The following GOLGB1 variants were observed in gnomAD, a reference collection of about 807,000 sequenced individuals.
GOLGB1 encodes golgin B1.
GOLGB1 carries 174 observed loss-of-function variants against 336.9 expected under a neutral mutation model. The ratio of observed to expected loss-of-function variants is 0.52; its 90% CI spans 0.46 to 0.59. The LOEUF (loss-of-function observed/expected upper bound fraction) is 0.59. Ranked by LOEUF, GOLGB1 falls within the 20% of genes least tolerant of loss-of-function variation. GOLGB1 has a pLI of 0.00. For missense variants in GOLGB1, 3,331 were observed against 3,645.3 expected (o/e 0.91, Z 2.22); for synonymous variants, 1,208 against 1,289.2 (o/e 0.94, Z 1.35).
Position 121,663,247 on chromosome 3 carries a change from T to G in GOLGB1, c.*1233A>C, listed in dbSNP as rs898460601. ...TTATTTTACAGTTGTTCAGGAAACT[T>G]CCCAGGATGTTGTAACCAAGATTTA... On this transcript the variant is annotated 3_prime_UTR_variant, in exon 22 of 22. Transcript: ENST00000614479. 6.6e-6 allele frequency: 1 copy of G among 152,164 alleles called. No individual in the cohort carries two copies. Among genetic ancestry groups the G allele is most frequent in the Non-Finnish European group, 1.5e-5 (1 of 68,052 alleles). 9.4% of individuals were successfully genotyped at this position (152,164 alleles called of 1,614,324 possible). A position where few individuals can be genotyped will look rare whatever the true frequency, so the allele number is the denominator to read the frequency against.
intron 21 of GOLGB1, 113 bp from the exon 22 acceptor site, chr3:121,664,727 A>G: frequency 9.6e-7 from 1 of 1,043,244 alleles, no homozygotes; most frequent in South Asian, 1.4e-5. Flanking sequence ...AGAAAGGGGT[A>G]TTCTGAGAGG....
At position 121,698,359 on chromosome 3, in the gene GOLGB1, C is replaced by T. The variant is rs1943124237; in HGVS notation, c.2164G>A (p.Glu722Lys). The T allele has an allele frequency of 6.2e-7, 1 of 1,613,662 alleles. No homozygotes were observed. The highest frequency in any genetic ancestry group is 8.5e-7 in the Non-Finnish European group (1 of 1,179,752). The change falls in exon 13 of 22, where the codon GAA (glutamate) becomes AAA (lysine). Residue 722 changes from glutamate (E) to lysine (K), a missense_variant. Coordinates refer to ENST00000614479, the MANE Select transcript of GOLGB1 (RefSeq NM_001366282.2). ...YEKNLDEKAKEISNLNQLIEE... is the reference protein window; with the variant it reads ...YEKNLDEKAKKISNLNQLIEE... Reference sequence around the variant, plus strand: ...ATCAACTGGTTTAGGTTGCTAATTTCCTTAGCTTTCTCATCTAAATTTTTC... The same window carrying T: ...ATCAACTGGTTTAGGTTGCTAATTTTCTTAGCTTTCTCATCTAAATTTTTC...
intron 3 of GOLGB1, 93 bp downstream of exon 3, chr3:121,729,772 C>G: frequency 1.1e-6 from 1 of 942,596 alleles, no homozygotes; most frequent in South Asian, 1.6e-5. Context: ...ATCAGATTCC[C>G]TAATAATCTA....
At chr3:121,676,149 A>G (rs1940343130) in intron 17 of GOLGB1, among the ~76,000 whole-genome samples, 1 of 152,256 alleles carries the variant, frequency 6.6e-6, no homozygotes, top group Non-Finnish European at 1.5e-5. Context: ...GAATTTAACT[A>G]CATTTAATAA....
Position 121,690,661 on chromosome 3 carries a change from G to C in GOLGB1, c.8694+9C>G. ...TAAACAGATCAGAAAGAAAGAACTA[G>C]CTACTCACTAGTCTGTCTCTGTCAT... On this transcript the variant is annotated intron_variant, in intron 14 of 21. Transcript: ENST00000614479. 7.4e-7 allele frequency: 1 copy of C among 1,354,912 alleles called. No homozygotes were observed. Among genetic ancestry groups the C allele is most frequent in the Non-Finnish European group, 1.0e-6 (1 of 997,328 alleles). 83.9% of individuals were successfully genotyped at this position (1,354,912 alleles called of 1,614,324 possible).
intron 17 of GOLGB1, among the ~76,000 whole-genome samples, chr3:121,675,686 T>C (rs1455518534): frequency 2.0e-5 from 3 of 152,264 alleles, no homozygotes; most frequent in Non-Finnish European, 4.4e-5. Flanking sequence ...ATGGGTATCT[T>C]CACTTTGTGA....
intron 14 of GOLGB1, among the ~76,000 whole-genome samples, chr3:121,688,309 C>A (rs1352402457): frequency 6.6e-6 from 1 of 152,190 alleles, no homozygotes; most frequent in Non-Finnish European, 1.5e-5. Context: ...CCTCAGCCTG[C>A]CGAGTGCCTG....
intron 17 of GOLGB1, among the ~76,000 whole-genome samples, chr3:121,676,627 G>C (rs935718915): frequency 3.9e-5 from 6 of 152,140 alleles, no homozygotes; most frequent in East Asian, 1.9e-4. Context: ...ACAGGTCAGG[G>C]GGAAGGCTTC....
At chr3:121,665,341 G>A (rs1170761043) in intron 20 of GOLGB1, among the ~76,000 whole-genome samples, 1 of 152,178 alleles carries the variant, frequency 6.6e-6, no homozygotes, top group Non-Finnish European at 1.5e-5. Flanking sequence ...AAGTGCTAAG[G>A]CTTACAGAGG....
At chr3:121,726,295 A>C (rs1165107327) in intron 5 of GOLGB1, among the ~76,000 whole-genome samples, 1 of 151,330 alleles carries the variant, frequency 6.6e-6, no homozygotes, top group Non-Finnish European at 1.5e-5. Flanking sequence ...TTAGCCAGGC[A>C]TGGTGGTGCA....
intron 14 of GOLGB1, among the ~76,000 whole-genome samples, chr3:121,683,166 TGCTGGGATTACAGGCGTGA>T (rs1429945296): frequency 6.9e-6 from 1 of 145,596 alleles, no homozygotes; most frequent in Non-Finnish European, 1.5e-5. Context: ...CCTCCCGAAG[TGCTGGGATTACAGGCGTGA>T]GCCACTGCGC....
In GOLGB1 at chr3:121,691,420, C is replaced by G; in HGVS notation, c.7944G>C (p.Arg2648Ser). The change falls in exon 14 of 22, where the codon AGG becomes AGC. Residue 2648 changes from arginine to serine, a missense_variant. Transcript: ENST00000614479. Reference sequence around the variant, plus strand: ...GAGAGGAGGAAAACAAAGCACTTAACCTGTGTACCTCTTCTTCTTTTACTT... The same window carrying G: ...GAGAGGAGGAAAACAAAGCACTTAAGCTGTGTACCTCTTCTTCTTTTACTT... ...QLKVKEEEVH[R>S]LSALFSSSQK... The G allele has an allele frequency of 6.2e-7, 1 of 1,613,748 alleles. No homozygotes were observed. The highest frequency in any genetic ancestry group is 8.5e-7 in the Non-Finnish European group (1 of 1,179,958).
rs1484814728 is a variant in GOLGB1, at chr3:121,697,194, G to T, written c.3329C>A (p.Thr1110Lys). Residue 1110 changes from threonine to lysine, a missense_variant, in exon 13 of 22, where the codon ACA (threonine) becomes AAA (lysine). Physicochemically the swap from Thr to Lys is moderately conservative, Grantham distance 78. Transcript: ENST00000614479. ...KQMNQTLQDK[T>K]NQIDLLQAEI... ...TGCTTGGAGCAAATCTATTTGGTTT[G>T]TTTTATCTTGCAAGGTCTGATTCAT... is the stretch of plus-strand genomic sequence containing the variant. The T allele has an allele frequency of 6.2e-7, 1 of 1,614,000 alleles. No individual in the cohort carries two copies. The highest frequency in any genetic ancestry group is 2.2e-5 in the East Asian group (1 of 44,876).
Position 121,698,181 on chromosome 3 carries a change from G to C in GOLGB1, c.2342C>G (p.Ala781Gly), listed in dbSNP as rs767485752. 1.9e-5 allele frequency: 30 copies of C among 1,613,616 alleles called. No homozygotes were observed. In the Admixed American group the frequency reaches 3.0e-4, roughly 16 times the overall value. Residue 781 changes from alanine (A) to glycine (G), a missense_variant, in exon 13 of 22, where the codon GCA becomes GGA. By Grantham distance (60) the Ala-to-Gly change is moderately conservative (BLOSUM62 0). Coordinates refer to ENST00000614479, the MANE Select transcript of GOLGB1 (RefSeq NM_001366282.2). ...ATAATCAAGTCTTCTTTGCCTTTCT[G>C]CTTCTGCAAGGTTCATTTCCAGTTG... ...VKQLEMNLAEAERQRRLDYES... is the reference protein window; with the variant it reads ...VKQLEMNLAEGERQRRLDYES...
At chr3:121,723,388 A>G (rs1945329961) in intron 5 of GOLGB1, among the ~76,000 whole-genome samples, 1 of 152,366 alleles carries the variant, frequency 6.6e-6, no homozygotes, top group South Asian at 2.1e-4. Context: ...ACACTGTAAT[A>G]TGTTTATTTG....
At chr3:121,692,636 C>A in intron 13 of GOLGB1, 55 bp from the exon 14 acceptor site, 1 of 989,820 alleles carries the variant, frequency 1.0e-6, no homozygotes, top group South Asian at 1.6e-5. Context: ...ACTGTGTTTC[C>A]CAAGGAACAA....
Position 121,681,795 on chromosome 3 carries a change from A to G in GOLGB1, c.8765T>C (p.Leu2922Pro). 1 of 1,604,544 alleles carries G rather than the reference A, an allele frequency of 6.2e-7. No individual in the cohort carries two copies. The highest frequency in any genetic ancestry group is 8.5e-7 in the Non-Finnish European group (1 of 1,171,436). Reference protein sequence around the residue: ...INQEITELHPLKAQLQEYQDK... With the variant: ...INQEITELHPPKAQLQEYQDK... ...TTGATACTCCTGAAGTTGAGCCTTC[A>G]GTGGATGTAACTCAGTGATCTCTTG... Residue 2922 changes from leucine (L) to proline (P), a missense_variant, in exon 15 of 22, where the codon CTG becomes CCG. By Grantham distance (98) the Leu-to-Pro change is moderately conservative. Coordinates refer to ENST00000614479, the MANE Select transcript of GOLGB1 (RefSeq NM_001366282.2).
intron 1 of GOLGB1, among the ~76,000 whole-genome samples, chr3:121,739,124 G>T (rs1322087388): frequency 6.6e-6 from 1 of 151,958 alleles, no homozygotes; most frequent in Non-Finnish European, 1.5e-5. Context: ...AGTCAGCCAG[G>T]CATGGTGGCA....
rs371609510 is a variant in GOLGB1 at position 121,728,631 on chromosome 3, C to T, written c.402+557G>A. Among the ~76,000 whole-genome samples, 8 of 152,312 alleles carry T rather than the reference C, an allele frequency of 5.3e-5. 1 individual carries two copies. In the East Asian group the frequency reaches 5.8e-4, roughly 11 times the overall value. On this transcript the variant is annotated intron_variant, in intron 4 of 21. Coordinates refer to ENST00000614479, the MANE Select transcript of GOLGB1 (RefSeq NM_001366282.2). ...ACAGGGCAGTACTTTCCTTATTCCTCCTCTGTATCTCCAACCTTAAACTGC... is the reference window on the plus strand; with the variant it reads ...ACAGGGCAGTACTTTCCTTATTCCTTCTCTGTATCTCCAACCTTAAACTGC...
Sources: allele counts gnomAD v4.1 joint callset (sites outside exome capture counted in the v4.1 genomes callset), GRCh38; gene constraint gnomAD v4.1.1; transcripts MANE v1.5; gene names NCBI Gene and HGNC (gene_info 2026-07-23, HGNC 2026-07-21).